Variants in DNAI2 observed in about 807,000 individuals in gnomAD.
The protein encoded by DNAI2 is dynein axonemal intermediate chain 2.
DNAI2 carries 63 observed loss-of-function variants against 74.7 expected under a neutral mutation model. That is an observed-to-expected ratio of 0.84 (90% CI 0.69 to 1.04). DNAI2 has a LOEUF of 1.04. Among genes scored for constraint, DNAI2 ranks in the 50% least tolerant of loss-of-function variants. DNAI2 has a pLI of 0.00. For missense variants in DNAI2, 688 were observed against 803.2 expected, an observed-to-expected ratio of 0.86 and a Z score of 1.73; for synonymous variants, 289 against 314.9, an observed-to-expected ratio of 0.92 and a Z score of 0.87.
At chr17:74,296,333 G>GGAGA (rs1555611087) in intron 6 of DNAI2, among the ~76,000 whole-genome samples, 6 of 44,730 alleles carry the variant, frequency 1.3e-4, no homozygotes, top group East Asian at 2.9e-4. Flanking sequence ...GAGAGAGAGA[G>GGAGA]GAGAGAGAGA....
intron 9 of DNAI2, among the ~76,000 whole-genome samples, chr17:74,306,653 T>G (rs1051889568): frequency 1.3e-5 from 2 of 152,188 alleles, no homozygotes; most frequent in African/African-American, 4.8e-5. Flanking sequence ...AGTCTTACTC[T>G]GTCACCCAGG....
At chr17:74,293,005 A>AT (rs529413087) in intron 6 of DNAI2, among the ~76,000 whole-genome samples, 16 of 149,288 alleles carry the variant, frequency 1.1e-4, no homozygotes, top group East Asian at 1.0e-3. Flanking sequence ...AATTTTTTGT[A>AT]TTTTTTTTTA....
chr17:74,293,676 C>T (rs1469687934), intron 6 of DNAI2, among the ~76,000 whole-genome samples: 9 of 151,334 alleles, frequency 5.9e-5, no homozygotes, highest in African/African-American at 1.9e-4. Flanking sequence ...TGAACTCCAG[C>T]CTGGGTGACA....
In DNAI2 at chr17:74,309,296, A is replaced by T. The variant is rs561780132; in HGVS notation, c.1255A>T (p.Arg419Trp). ...CACTGATGCTGCCTGGAGCCCCGTG[A>T]GGCCGACCGTTTTCTTTACCACCAG... is the stretch of plus-strand genomic sequence containing the variant. ...YLTDAAWSPV[R>W]PTVFFTTRMD... Residue 419 changes from arginine to tryptophan, a missense_variant, in exon 10 of 14, where the codon AGG becomes TGG. By Grantham distance (101) the Arg-to-Trp change is moderately radical. Coordinates refer to ENST00000311014, the MANE Select transcript of DNAI2 (RefSeq NM_023036.6). 2.5e-6 allele frequency: 4 copies of T among 1,614,082 alleles called. No individual in the cohort carries two copies. Among genetic ancestry groups the T allele is most frequent in the Non-Finnish European group, 3.4e-6 (4 of 1,180,024 alleles).
In DNAI2 at chr17:74,305,204, T is replaced by C; in HGVS notation, c.988-15T>C. ...GTTCGTGGAGTCTTCCCCTCCTGTG[T>C]CACTCCTTCCACAGCCCACCAAGTT... On this transcript the variant is annotated splice_polypyrimidine_tract_variant and intron_variant, in intron 8 of 13. Transcript: ENST00000311014. 3 of 1,613,192 alleles carry C rather than the reference T, an allele frequency of 1.9e-6. No homozygotes were observed. Among genetic ancestry groups the C allele is most frequent in the Non-Finnish European group, 2.5e-6 (3 of 1,179,200 alleles).
intron 6 of DNAI2, among the ~76,000 whole-genome samples, chr17:74,292,056 G>A (rs1310538954): frequency 6.6e-6 from 1 of 152,014 alleles, no homozygotes; most frequent in Non-Finnish European, 1.5e-5. Context: ...GTAGAGTTAG[G>A]GTTTCACTAT....
chr17:74,292,415 C>CTTT (rs56013644), intron 6 of DNAI2, among the ~76,000 whole-genome samples: 3 of 112,878 alleles, frequency 2.7e-5, no homozygotes, highest in South Asian at 3.0e-4. Flanking sequence ...TTTTCTTTTT[C>CTTT]TTTTTTTTTT....
chr17:74,305,160 G>T (rs973531100), intron 8 of DNAI2, 59 bp from the exon 9 acceptor site: 1 of 1,581,938 alleles, frequency 6.3e-7, no homozygotes, highest in East Asian at 2.2e-5. Flanking sequence ...GTCCATGCCC[G>T]CTAATCCCAG....
At chr17:74,275,796 A>G (rs1038031531) in intron 1 of DNAI2, among the ~76,000 whole-genome samples, 1 of 152,146 alleles carries the variant, frequency 6.6e-6, no homozygotes, top group African/African-American at 2.4e-5. Flanking sequence ...AGACTGAGGC[A>G]CAAGAATCGC....
At position 74,300,924 on chromosome 17, in the gene DNAI2, C is replaced by T. The variant is rs968272720; in HGVS notation, c.865-122C>T. Reference sequence around the variant, plus strand: ...AAGTGTATTTGCTCCCACGAATTGCCGGGAGCTCCATCCTTTGTGGCCCAG... The same window carrying T: ...AAGTGTATTTGCTCCCACGAATTGCTGGGAGCTCCATCCTTTGTGGCCCAG... On this transcript the variant is annotated intron_variant, in intron 7 of 13. Transcript: ENST00000311014. The surrounding 1 kb of genome is among the most constrained non-coding windows in gnomAD (Gnocchi z 4.5). The T allele has an allele frequency of 1.8e-5, 25 of 1,369,796 alleles. No homozygotes were observed. The highest frequency in any genetic ancestry group is 2.4e-5 in the East Asian group (1 of 42,340). 84.9% of individuals were successfully genotyped at this position (1,369,796 alleles called of 1,614,324 possible). A position where few individuals can be genotyped will look rare whatever the true frequency, so the allele number is the denominator to read the frequency against.
chr17:74,299,011 T>C (rs1471538978), intron 6 of DNAI2, among the ~76,000 whole-genome samples: 1 of 152,224 alleles, frequency 6.6e-6, no homozygotes, highest in African/African-American at 2.4e-5. Flanking sequence ...AGTCAAAGCT[T>C]ACGAGCTAAG....
chr17:74,281,947 CG>C lies in DNAI2; in HGVS notation c.132del (p.Asn45ThrfsTer41), dbSNP rs1567840448. The C allele has an allele frequency of 6.2e-7, 1 of 1,614,044 alleles. No homozygotes were observed. Among genetic ancestry groups the C allele is most frequent in the Non-Finnish European group, 8.5e-7 (1 of 1,180,042 alleles). On this transcript the variant is annotated frameshift_variant, in exon 2 of 14. Transcript: ENST00000311014. LOFTEE classifies it high-confidence loss of function. ...NPELAEQFVE[R>X]NPVDTGIQCS... ...TGAGCTGGCCGAGCAGTTCGTGGAG[CG>C]GAACCCAGTGGACACGGGCATCCAG...
At chr17:74,287,817 T>C (rs914944686) in intron 4 of DNAI2, among the ~76,000 whole-genome samples, 3 of 152,122 alleles carry the variant, frequency 2.0e-5, no homozygotes, top group Non-Finnish European at 4.4e-5. Flanking sequence ...TAACTGGGTG[T>C]GGTGGCACAT....
At chr17:74,307,822 T>G (rs189030563) in intron 9 of DNAI2, among the ~76,000 whole-genome samples, 2 of 152,188 alleles carry the variant, frequency 1.3e-5, no homozygotes, top group Admixed American at 1.3e-4. Context: ...TTTGGGGGGA[T>G]GAAGTCTCTT....
At chr17:74,313,980 G>A (rs1245232030) in intron 12 of DNAI2, 141 bp from the exon 13 acceptor site, 5 of 1,382,602 alleles carry the variant, frequency 3.6e-6, no homozygotes, top group Non-Finnish European at 5.0e-6. Flanking sequence ...CCGCAGAGCT[G>A]GCACCCGGGT....
chr17:74,313,089 C>T (rs1008759431), intron 12 of DNAI2, among the ~76,000 whole-genome samples: 2 of 152,160 alleles, frequency 1.3e-5, no homozygotes, highest in Non-Finnish European at 2.9e-5. Flanking sequence ...GACAATAGAG[C>T]GTTAAACCAA....
chr17:74,306,898 A>T (rs2053220603), intron 9 of DNAI2, among the ~76,000 whole-genome samples: 1 of 152,218 alleles, frequency 6.6e-6, no homozygotes, highest in Admixed American at 6.5e-5. Flanking sequence ...GATTACAGGC[A>T]TGAGCCACCG....
At chr17:74,295,395 C>G (rs2052371190) in intron 6 of DNAI2, among the ~76,000 whole-genome samples, 1 of 152,152 alleles carries the variant, frequency 6.6e-6, no homozygotes, top group Non-Finnish European at 1.5e-5. Flanking sequence ...AAGCGAAACT[C>G]TGTCTTCAAA....
At position 74,290,459 on chromosome 17, in the gene DNAI2, C is replaced by T. The variant is rs148864057; in HGVS notation, c.611-561C>T. Among the ~76,000 whole-genome samples the T allele has an allele frequency of 4.2e-3, 643 of 152,286 alleles. 2 individuals are homozygous for T. Among genetic ancestry groups the T allele is most frequent in the African/African-American group, 0.014 (599 of 41,558 alleles). ...GGGGCAGCGTGTCCATTTATTAGCA[C>T]AAACCATTGTCTACAGAAGGGCTGG... is the stretch of plus-strand genomic sequence containing the variant. On this transcript the variant is annotated intron_variant, in intron 5 of 13. Transcript: ENST00000311014.
Sources: gnomAD v4.1 joint callset for allele counts (sites outside exome capture counted in the v4.1 genomes callset) on GRCh38, gnomAD v4.1.1 for gene constraint, Gnocchi (gnomAD v3.1) non-coding constraint, MANE v1.5 for transcripts, NCBI Gene and HGNC (gene_info 2026-07-23, HGNC 2026-07-21) for gene names.